Variants in DTNB observed in about 807,000 individuals in gnomAD.
DTNB encodes dystrobrevin beta, also known as DTN-B.
DTNB carries 63 observed loss-of-function variants against 90.7 expected under a neutral mutation model. That is an observed-to-expected ratio of 0.69 (90% CI 0.57 to 0.86). The LOEUF is 0.86. Among genes scored for constraint, DTNB ranks in the 40% least tolerant of loss-of-function variants. DTNB has a pLI of 0.00. For synonymous variants in DTNB, 277 were observed against 286.7 expected (o/e 0.97, Z 0.34); for missense variants, 744 against 807.1 (o/e 0.92, Z 0.95).
chr2:25,620,228 A>C (rs751219165), intron 4 of DTNB, among the ~76,000 whole-genome samples: 8 of 151,790 alleles, frequency 5.3e-5, no homozygotes, highest in Non-Finnish European at 1.0e-4. Context: ...GCGTAATTAG[A>C]GGTTGGTGTG....
At chr2:25,630,246 G>A (rs2075373193) in intron 3 of DTNB, among the ~76,000 whole-genome samples, 1 of 152,206 alleles carries the variant, frequency 6.6e-6, no homozygotes, top group Non-Finnish European at 1.5e-5. Context: ...ACAAGGGTCA[G>A]CGAGGATGTA....
At position 25,576,923 on chromosome 2, in the gene DTNB, T is replaced by C. The variant is rs773506898; in HGVS notation, c.791A>G (p.Tyr264Cys). 4.3e-6 allele frequency: 7 copies of C among 1,613,088 alleles called. No individual in the cohort carries two copies. The highest frequency in any genetic ancestry group is 2.7e-5 in the African/African-American group (2 of 74,874). ...FRYRCQQCHNYQLCQNCFWRG... is the reference protein window; with the variant it reads ...FRYRCQQCHNCQLCQNCFWRG... ...CCAAAAGCAATTCTGGCAGAGCTGATAGTTGTGGCACTGCTGGCATCGGTA... is the reference window on the plus strand; with the variant it reads ...CCAAAAGCAATTCTGGCAGAGCTGACAGTTGTGGCACTGCTGGCATCGGTA... The change falls in exon 8 of 21, where the codon TAT (tyrosine) becomes TGT (cysteine). Residue 264 changes from tyrosine (Y) to cysteine (C), a missense_variant. By Grantham distance (194) the Tyr-to-Cys change is radical. Coordinates refer to ENST00000406818, the MANE Select transcript of DTNB (RefSeq NM_021907.5).
At chr2:25,626,229 A>G (rs1267274359) in intron 4 of DTNB, among the ~76,000 whole-genome samples, 1 of 152,220 alleles carries the variant, frequency 6.6e-6, no homozygotes, top group Non-Finnish European at 1.5e-5. Flanking sequence ...CTGACTTTAA[A>G]AAATATTGTT....
At chr2:25,531,236 A>T (rs73922413) in intron 9 of DTNB, among the ~76,000 whole-genome samples, 2 of 152,226 alleles carry the variant, frequency 1.3e-5, no homozygotes, top group Non-Finnish European at 2.9e-5. Context: ...CAATGGGCTC[A>T]TGTTTCTGGA....
At chr2:25,646,409 T>G (rs1034426094) in intron 2 of DTNB, among the ~76,000 whole-genome samples, 3 of 151,786 alleles carry the variant, frequency 2.0e-5, no homozygotes, top group Admixed American at 2.0e-4. Flanking sequence ...GAGGCGGAGA[T>G]TGCAGTGAGC....
intron 16 of DTNB, among the ~76,000 whole-genome samples, chr2:25,405,219 T>C (rs2044780170): frequency 1.3e-5 from 2 of 152,146 alleles, no homozygotes; most frequent in South Asian, 4.1e-4. Context: ...TGAGCTACCA[T>C]GCCTGGCCCG....
At chr2:25,653,421 CGTT>C (rs1275133851) in intron 1 of DTNB, among the ~76,000 whole-genome samples, 1 of 140,606 alleles carries the variant, frequency 7.1e-6, no homozygotes, top group African/African-American at 2.7e-5. Context: ...TCCAATTAAA[CGTT>C]TTTTTTTTAA....
chr2:25,408,023 T>TGTC (rs2045653394), intron 16 of DTNB, among the ~76,000 whole-genome samples: 1 of 152,108 alleles, frequency 6.6e-6, no homozygotes, highest in Non-Finnish European at 1.5e-5. Context: ...AGTTTGAGAC[T>TGTC]GGGCAGGTGC....
chr2:25,563,914 G>A (rs980917374), intron 8 of DTNB, among the ~76,000 whole-genome samples: 1 of 151,366 alleles, frequency 6.6e-6, no homozygotes, highest in African/African-American at 2.4e-5. Flanking sequence ...TTTTTGAGAC[G>A]GAGTCTCACT....
chr2:25,606,126 A>G (rs1354950969), intron 5 of DTNB, among the ~76,000 whole-genome samples: 1 of 152,146 alleles, frequency 6.6e-6, no homozygotes, highest in Non-Finnish European at 1.5e-5. Flanking sequence ...TACACCTATG[A>G]AGTAATCTTG....
chr2:25,607,435 A>G lies in DTNB; in HGVS notation c.363-114T>C, dbSNP rs191412976. Reference sequence around the variant, plus strand: ...TTGATTCCTGACCTTGTCTGTTACAATTTTACCACATTTAGAAACCCTGGA... The same window carrying G: ...TTGATTCCTGACCTTGTCTGTTACAGTTTTACCACATTTAGAAACCCTGGA... On this transcript the variant is annotated intron_variant, in intron 4 of 20. Coordinates refer to ENST00000406818, the MANE Select transcript of DTNB (RefSeq NM_021907.5). 3.3e-4 allele frequency: 320 copies of G among 969,878 alleles called. 3 individuals carry two copies. In the African/African-American group the frequency reaches 4.7e-3, roughly 14 times the overall value. 60.1% of individuals were successfully genotyped at this position (969,878 alleles called of 1,614,324 possible).
chr2:25,499,977 C>T (rs1425856952), intron 9 of DTNB, among the ~76,000 whole-genome samples: 3 of 152,158 alleles, frequency 2.0e-5, no homozygotes, highest in Admixed American at 6.5e-5. Flanking sequence ...CTCACTACAA[C>T]CTCAAACTCC....
rs576170104 is a variant in DTNB, at chr2:25,498,456, T to C, written c.1002-15583A>G. Among the ~76,000 whole-genome samples, 4 of 151,982 alleles carry C rather than the reference T, an allele frequency of 2.6e-5. No individual in the cohort carries two copies. In the South Asian group the frequency reaches 8.3e-4, roughly 32 times the overall value. The stretch of plus-strand genomic sequence containing the variant: ...AAATATAATAAAAACAAAATAACAG[T>C]GGGATATCATCTTTCAAGGCTACAA... On this transcript the variant is annotated intron_variant, in intron 9 of 20. Coordinates refer to ENST00000406818, the MANE Select transcript of DTNB (RefSeq NM_021907.5).
intron 1 of DTNB, among the ~76,000 whole-genome samples, chr2:25,658,188 C>T (rs1303235453): frequency 1.3e-5 from 2 of 149,500 alleles, no homozygotes; most frequent in African/African-American, 2.5e-5. Flanking sequence ...ACCTGGGAGG[C>T]GGAGGTTGCA....
intron 1 of DTNB, among the ~76,000 whole-genome samples, chr2:25,670,906 C>T (rs544664352): frequency 7.9e-5 from 12 of 152,330 alleles, no homozygotes; most frequent in Admixed American, 6.5e-4. Flanking sequence ...CTCTGTCCCA[C>T]CTGGGATATG....
chr2:25,430,522 T>G (rs2053507746), intron 14 of DTNB, among the ~76,000 whole-genome samples: 1 of 150,316 alleles, frequency 6.7e-6, no homozygotes, highest in Non-Finnish European at 1.5e-5. Flanking sequence ...GCTAATATGG[T>G]GGGGGTAGGG....
At chr2:25,397,525 C>G (rs971200370) in intron 16 of DTNB, among the ~76,000 whole-genome samples, 1 of 151,964 alleles carries the variant, frequency 6.6e-6, no homozygotes, top group Non-Finnish European at 1.5e-5. Context: ...CTGGAAATGC[C>G]TAGATTAAGT....
chr2:25,584,060 A>T (rs988891936), intron 6 of DTNB, among the ~76,000 whole-genome samples: 1 of 152,196 alleles, frequency 6.6e-6, no homozygotes, highest in Non-Finnish European at 1.5e-5. Context: ...CAGTTTTCTC[A>T]TCTTTCAAGG....
At chr2:25,664,996 A>C (rs2084083161) in intron 1 of DTNB, among the ~76,000 whole-genome samples, 1 of 152,236 alleles carries the variant, frequency 6.6e-6, no homozygotes, top group Non-Finnish European at 1.5e-5. Flanking sequence ...AAGAGAGTGC[A>C]GCAAAAAGTT....
Sources: allele counts gnomAD v4.1 joint callset (sites outside exome capture counted in the v4.1 genomes callset), GRCh38; gene constraint gnomAD v4.1.1; transcripts MANE v1.5; gene names NCBI Gene and HGNC (gene_info 2026-07-23, HGNC 2026-07-21).